ZNF578: variants seen among roughly 807,000 people sequenced by gnomAD.
The protein encoded by ZNF578 is Putative chemokine-related protein B42.
A neutral mutation model predicts 8.3 loss-of-function variants in ZNF578; 8 were observed. That is an observed-to-expected ratio of 0.96 (90% CI 0.56 to 1.74). ZNF578 has a LOEUF of 1.74. Ranked by LOEUF, ZNF578 falls within the 40% of genes most tolerant of loss-of-function variation. The pLI, the probability that ZNF578 is intolerant of heterozygous loss-of-function variation, is 0.00. For synonymous variants in ZNF578, 206 were observed against 232.2 expected (o/e 0.89, Z 1.03); for missense variants, 726 against 707.5 (o/e 1.03, Z -0.30).
At position 52,508,795 on chromosome 19, in the gene ZNF578, C is replaced by CAA. The variant is rs374726428; in HGVS notation, c.191-1763_191-1762dup. 4.5e-4 allele frequency among the ~76,000 whole-genome samples: 45 copies of CAA among 100,844 alleles called. No individual in the cohort carries two copies. The South Asian group carries it at 9.5e-3, about 21-fold the overall frequency. 66.2% of individuals were successfully genotyped at this position (100,844 alleles called of 152,430 possible). ...GGGCAACAAGAGTGGAACTCTGTCT[C>CAA]AAAAAAAAAAAAAAAGAAATCTGAT... On this transcript the variant is annotated intron_variant, in intron 5 of 5. Coordinates refer to ENST00000421239, the MANE Select transcript of ZNF578 (RefSeq NM_001099694.2).
At chr19:52,492,305 A>G (rs1389635360) in intron 3 of ZNF578, among the ~76,000 whole-genome samples, 16 of 151,524 alleles carry the variant, frequency 1.1e-4, no homozygotes, top group Non-Finnish European at 5.9e-5. Context: ...AGTAGCTGGG[A>G]CCTCAGGCTT....
chr19:52,467,467 T>A (rs527843185), intron 2 of ZNF578, among the ~76,000 whole-genome samples: 13 of 151,828 alleles, frequency 8.6e-5, no homozygotes, highest in African/African-American at 2.9e-4. Context: ...AATAAAAAAT[T>A]TAGCTGAGCG....
chr19:52,490,612 C>T (rs1282845455), intron 2 of ZNF578, among the ~76,000 whole-genome samples: 1 of 151,728 alleles, frequency 6.6e-6, no homozygotes, highest in African/African-American at 2.4e-5. Context: ...AATTTTAAGA[C>T]AGGTATTCAG....
At chr19:52,480,076 AT>A (rs1206776402) in intron 2 of ZNF578, among the ~76,000 whole-genome samples, 1 of 151,974 alleles carries the variant, frequency 6.6e-6, no homozygotes, top group Non-Finnish European at 1.5e-5. Context: ...TGCCCGGCAA[AT>A]TTTTTGTATT....
At chr19:52,509,572 G>C (rs1385226413) in intron 5 of ZNF578, among the ~76,000 whole-genome samples, 1 of 152,152 alleles carries the variant, frequency 6.6e-6, no homozygotes, top group East Asian at 1.9e-4. Context: ...GTGGAGACCA[G>C]CCTGGCCAAC....
intron 2 of ZNF578, among the ~76,000 whole-genome samples, chr19:52,486,525 A>ATTG (rs2059346378): frequency 6.6e-6 from 1 of 152,228 alleles, no homozygotes; most frequent in Non-Finnish European, 1.5e-5. Flanking sequence ...GAAAAGCTAG[A>ATTG]TATACAGAGA....
At chr19:52,454,468 C>G (rs1238893577) in intron 1 of ZNF578, 1 of 152,238 alleles carries the variant, frequency 6.6e-6, no homozygotes, top group African/African-American at 2.4e-5. Context: ...GGAACCTGAA[C>G]TTCTAAGCTA....
chr19:52,500,002 C>A (rs1004439575), intron 3 of ZNF578, among the ~76,000 whole-genome samples: 1 of 152,114 alleles, frequency 6.6e-6, no homozygotes, highest in Non-Finnish European at 1.5e-5. Flanking sequence ...TTGCTCCTGT[C>A]TCAGGGCCTT....
At chr19:52,481,542 C>T (rs2059326447) in intron 2 of ZNF578, among the ~76,000 whole-genome samples, 1 of 152,062 alleles carries the variant, frequency 6.6e-6, no homozygotes, top group African/African-American at 2.4e-5. Flanking sequence ...TTTAAACTTC[C>T]TATTTATAAG....
intron 2 of ZNF578, among the ~76,000 whole-genome samples, chr19:52,471,410 C>G (rs2059291413): frequency 6.6e-6 from 1 of 152,180 alleles, no homozygotes; most frequent in Non-Finnish European, 1.5e-5. Flanking sequence ...TATATATACA[C>G]AGATCCTATT....
chr19:52,457,232 G>A (rs2059242366), intron 2 of ZNF578: 1 of 152,004 alleles, frequency 6.6e-6, no homozygotes, highest in Admixed American at 6.6e-5. Flanking sequence ...GTACCCTGGG[G>A]GGAAGAATGT....
At chr19:52,479,697 A>T (rs1339512160) in intron 2 of ZNF578, among the ~76,000 whole-genome samples, 2 of 152,186 alleles carry the variant, frequency 1.3e-5, no homozygotes, top group African/African-American at 4.8e-5. Context: ...AGAGCATATG[A>T]TCTAAATAAA....
intron 3 of ZNF578, among the ~76,000 whole-genome samples, chr19:52,496,025 T>A (rs2122906295): frequency 6.6e-6 from 1 of 151,966 alleles, no homozygotes; most frequent in South Asian, 2.1e-4. Flanking sequence ...GTTGTCTTTT[T>A]GTTTTTCTTT....
chr19:52,502,918 A>G (rs1388168297), intron 4 of ZNF578, among the ~76,000 whole-genome samples: 2 of 152,142 alleles, frequency 1.3e-5, no homozygotes, highest in African/African-American at 4.8e-5. Flanking sequence ...TTTAAGATGG[A>G]GTCTCGCTCA....
chr19:52,503,545 G>C (rs1022270707), intron 4 of ZNF578, among the ~76,000 whole-genome samples: 1 of 152,102 alleles, frequency 6.6e-6, no homozygotes, highest in Non-Finnish European at 1.5e-5. Context: ...TATGGTTTCA[G>C]CATGTTCCCA....
At chr19:52,466,033 A>C (rs2059274054) in intron 2 of ZNF578, among the ~76,000 whole-genome samples, 1 of 152,232 alleles carries the variant, frequency 6.6e-6, no homozygotes, top group Non-Finnish European at 1.5e-5. Context: ...CCACGGGGCC[A>C]GATTCAAGGT....
intron 3 of ZNF578, among the ~76,000 whole-genome samples, chr19:52,500,870 T>C (rs2059404323): frequency 8.2e-6 from 1 of 122,562 alleles, no homozygotes. Context: ...TTGACTGTTT[T>C]GTGTGACTTT....
At chr19:52,489,146 G>A (rs1355036540) in intron 2 of ZNF578, among the ~76,000 whole-genome samples, 9 of 151,992 alleles carry the variant, frequency 5.9e-5, no homozygotes, top group Non-Finnish European at 2.9e-5. Context: ...GCATGCGTCT[G>A]TAGTCCCATC....
Position 52,513,885 on chromosome 19 carries a change from G to C in ZNF578, c.*1731G>C, listed in dbSNP as rs983751417. Among the ~76,000 whole-genome samples, 1 of 151,998 alleles carries C rather than the reference G, an allele frequency of 6.6e-6. No homozygotes were observed. Among genetic ancestry groups the C allele is most frequent in the Non-Finnish European group, 1.5e-5 (1 of 67,998 alleles). On this transcript the variant is annotated 3_prime_UTR_variant, in exon 6 of 6. Transcript: ENST00000421239. ...ACTAAAAATACAAAAGTTAGCCAGG[G>C]GTGGGGGTGTGCACCTTTAGTTCCA...
Sources: allele counts gnomAD v4.1 joint callset (sites outside exome capture counted in the v4.1 genomes callset), GRCh38; gene constraint gnomAD v4.1.1; transcripts MANE v1.5; gene names NCBI Gene and HGNC (gene_info 2026-07-23, HGNC 2026-07-21).